ACSM4: variants seen among roughly 807,000 people sequenced by gnomAD.
ACSM4 encodes acyl-coenzyme A synthetase ACSM4, mitochondrial.
A neutral mutation model predicts 73.0 loss-of-function variants in ACSM4; 66 were observed. The observed-to-expected ratio is 0.90, with a 90% CI of 0.74 to 1.11. The LOEUF is 1.11. ACSM4 is among the 50% of genes least tolerant of loss of function. The pLI is 0.00. For synonymous variants in ACSM4, 222 were observed against 254.0 expected (o/e 0.87, Z 1.20); for missense variants, 645 against 714.4 (o/e 0.90, Z 1.11).
chr12:7,310,666 G>A lies in ACSM4; in HGVS notation c.540G>A (p.Leu180=). Residue 180 remains leucine (L), a synonymous_variant, in exon 3 of 13, where the codon TTG becomes TTA. Coordinates refer to ENST00000399422, the MANE Select transcript of ACSM4 (RefSeq NM_001080454.2). ...EVAPAVESIV[L]ECPDLKTKLL... The stretch of plus-strand genomic sequence containing the variant: ...CCCCAGCGGTGGAGTCCATTGTATT[G>A]GAGTGTCCTGACCTTAAGACAAAAC... The A allele has an allele frequency of 6.2e-7, 1 of 1,613,444 alleles. No individual in the cohort carries two copies. Among genetic ancestry groups the A allele is most frequent in the Non-Finnish European group, 8.5e-7 (1 of 1,179,716 alleles).
Position 7,317,177 on chromosome 12 carries a change from C to T in ACSM4, c.661C>T (p.Gln221Ter). Residue 221 changes from glutamine (Q) to a stop codon, truncating the protein, a stop_gained, in exon 4 of 13, where the codon CAA becomes TAA. Transcript: ENST00000399422. LOFTEE classifies it high-confidence loss of function. The part of the protein sequence containing the change: ...EEHSCVETGS[Q>*]EPMTIYFTSG... ...GCACAGCTGTGTGGAAACAGGAAGT[C>T]AAGAACCAATGACCATTTATTTCAC... 1 of 1,613,026 alleles carries T rather than the reference C, an allele frequency of 6.2e-7. No individual in the cohort carries two copies. The highest frequency in any genetic ancestry group is 1.7e-4 in the Middle Eastern group (1 of 6,054).
chr12:7,310,855 G>A (rs890797922), intron 3 of ACSM4, 109 bp downstream of exon 3: 39 of 1,166,110 alleles, frequency 3.3e-5, no homozygotes, highest in Non-Finnish European at 4.6e-5. Flanking sequence ...AGTTGATCTG[G>A]GCTCTTACTC....
At chr12:7,311,056 C>T (rs1461014485) in intron 3 of ACSM4, among the ~76,000 whole-genome samples, 2 of 152,008 alleles carry the variant, frequency 1.3e-5, no homozygotes, top group East Asian at 1.9e-4. Flanking sequence ...ATCCTAATTA[C>T]TCAGGAGGCT....
chr12:7,308,866 G>C (rs969840973), intron 2 of ACSM4, among the ~76,000 whole-genome samples: 1 of 152,178 alleles, frequency 6.6e-6, no homozygotes, highest in Non-Finnish European at 1.5e-5. Flanking sequence ...GAAATGAGTA[G>C]TTTGGCTTAT....
intron 2 of ACSM4, 119 bp downstream of exon 2, chr12:7,306,862 A>G (rs921645886): frequency 2.3e-5 from 23 of 991,274 alleles, no homozygotes; most frequent in Admixed American, 1.2e-4. Context: ...AAAAAAAAAA[A>G]AAGAAGAGTT....
intron 5 of ACSM4, among the ~76,000 whole-genome samples, chr12:7,319,848 A>G (rs1399214097): frequency 6.6e-6 from 1 of 152,254 alleles, no homozygotes; most frequent in African/African-American, 2.4e-5. Flanking sequence ...CATTTGTAAA[A>G]TAAGAATACT....
chr12:7,326,774 A>G (rs1946509314), intron 11 of ACSM4, among the ~76,000 whole-genome samples: 1 of 152,214 alleles, frequency 6.6e-6, no homozygotes, highest in Admixed American at 6.5e-5. Flanking sequence ...CCTCACACTC[A>G]TAAACCACTT....
chr12:7,322,309 A>C, intron 6 of ACSM4, 109 bp from the exon 7 acceptor site: 1 of 1,487,210 alleles, frequency 6.7e-7, no homozygotes, highest in Non-Finnish European at 9.3e-7. Context: ...AACTTTGCTA[A>C]GACTTGCCTC....
At position 7,304,635 on chromosome 12, in the gene ACSM4, C is replaced by T; in HGVS notation, c.201+103C>T. Reference sequence around the variant, plus strand: ...ACCACTTAATTCCAATGCACTCTCTCACCCTCTTGGTTTCCTTTGTTTGTT... The same window carrying T: ...ACCACTTAATTCCAATGCACTCTCTTACCCTCTTGGTTTCCTTTGTTTGTT... On this transcript the variant is annotated intron_variant, in intron 1 of 12. Transcript: ENST00000399422. 10 of 1,209,628 alleles carry T rather than the reference C, an allele frequency of 8.3e-6. 1 individual carries two copies. The South Asian group carries it at 1.2e-4, about 15-fold the overall frequency. 74.9% of individuals were successfully genotyped at this position (1,209,628 alleles called of 1,614,324 possible).
chr12:7,306,648 C>A lies in ACSM4; in HGVS notation c.317C>A (p.Thr106Asn). 1 of 1,609,736 alleles carries A rather than the reference C, an allele frequency of 6.2e-7. No homozygotes were observed. Among genetic ancestry groups the A allele is most frequent in the Non-Finnish European group, 8.5e-7 (1 of 1,178,128 alleles). ...TCCCGAAAAGCTGCCAACGTGCTCACCAAGCCCTGTGGCCTGCAGAGAGGA... is the reference window on the plus strand; with the variant it reads ...TCCCGAAAAGCTGCCAACGTGCTCAACAAGCCCTGTGGCCTGCAGAGAGGA... ...SLSRKAANVL[T>N]KPCGLQRGDR... The change falls in exon 2 of 13, where the codon ACC becomes AAC. Residue 106 changes from threonine (T) to asparagine (N), a missense_variant. Transcript: ENST00000399422.
intron 1 of ACSM4, 96 bp downstream of exon 1, chr12:7,304,628 A>G: frequency 8.0e-7 from 1 of 1,247,786 alleles, no homozygotes; most frequent in East Asian, 2.4e-5. Context: ...ATTCCAATGC[A>G]CTCTCTCACC....
Position 7,304,315 on chromosome 12 carries a change from A to C in ACSM4, c.-17A>C. The C allele has an allele frequency of 6.2e-7, 1 of 1,613,246 alleles. No homozygotes were observed. Among genetic ancestry groups the C allele is most frequent in the Admixed American group, 1.7e-5 (1 of 60,012 alleles). ...TACTTCTGTGTCCATAGCAGTAGAC[A>C]AAGTCCTTTGGGAACCATGAAGATT... On this transcript the variant is annotated 5_prime_UTR_variant, in exon 1 of 13. Coordinates refer to ENST00000399422, the MANE Select transcript of ACSM4 (RefSeq NM_001080454.2).
rs1394924127 is a variant in ACSM4 at position 7,328,280 on chromosome 12, C to G, written c.1657-7C>G. ...AGTGTCTCATCACGTTTTTTTCTGTCAATTAGGTGGAATTTGTTCAAGAAC... is the reference window on the plus strand; with the variant it reads ...AGTGTCTCATCACGTTTTTTTCTGTGAATTAGGTGGAATTTGTTCAAGAAC... On this transcript the variant is annotated splice_region_variant and splice_polypyrimidine_tract_variant and intron_variant, in intron 12 of 12. Coordinates refer to ENST00000399422, the MANE Select transcript of ACSM4 (RefSeq NM_001080454.2). The G allele has an allele frequency of 6.4e-7, 1 of 1,571,706 alleles. No homozygotes were observed. Among genetic ancestry groups the G allele is most frequent in the Admixed American group, 1.8e-5 (1 of 54,432 alleles).
Position 7,304,258 on chromosome 12 carries a change from A to G in ACSM4, c.-74A>G. On this transcript the variant is annotated 5_prime_UTR_variant, in exon 1 of 13. The change creates a new upstream start codon in the 5' untranslated region. Coordinates refer to ENST00000399422, the MANE Select transcript of ACSM4 (RefSeq NM_001080454.2). ...CACCACAGAGCATCAAGAAACTGAT[A>G]CTCTCTATCCATCTCTCCCTACAGG... 3 of 1,444,534 alleles carry G rather than the reference A, an allele frequency of 2.1e-6. No individual in the cohort carries two copies. The East Asian group carries it at 6.8e-5, about 33-fold the overall frequency. The allele number at this position is 1,444,534 out of a possible 1,614,324, so 89.5% of individuals were successfully genotyped here.
At chr12:7,322,601 CA>C in intron 7 of ACSM4, 60 bp downstream of exon 7, 1 of 1,540,350 alleles carries the variant, frequency 6.5e-7, no homozygotes, top group Non-Finnish European at 8.7e-7. Flanking sequence ...CCAGGTTTTT[CA>C]ACTGAGCCCC....
At chr12:7,323,928 G>C (rs1946483874) in intron 9 of ACSM4, among the ~76,000 whole-genome samples, 1 of 152,048 alleles carries the variant, frequency 6.6e-6, no homozygotes, top group Admixed American at 6.6e-5. Flanking sequence ...TATAATTTCA[G>C]CACTTTAGGA....
At position 7,312,287 on chromosome 12, in the gene ACSM4, C is replaced by T. The variant is rs144099301; in HGVS notation, c.620+1541C>T. Among the ~76,000 whole-genome samples, 438 of 152,284 alleles carry T rather than the reference C, an allele frequency of 2.9e-3. 5 individuals are homozygous for T. The highest frequency in any genetic ancestry group is 9.2e-3 in the African/African-American group (384 of 41,546). ...AAGAGATCACAACTGCAGTTTTCCT[C>T]ATAAGTAAAATGGGAATAATTATAC... On this transcript the variant is annotated intron_variant, in intron 3 of 12. Transcript: ENST00000399422.
Position 7,304,462 on chromosome 12 carries a change from G to A in ACSM4, c.131G>A (p.Cys44Tyr). ...TLADFEAINR[C>Y]NRPLPKNFNF... is the part of the protein sequence containing the mutation. The stretch of plus-strand genomic sequence containing the variant: ...GCTGACTTTGAAGCCATAAATCGCT[G>A]TAACAGGCCATTGCCTAAAAACTTT... The change falls in exon 1 of 13, where the codon TGT (cysteine) becomes TAT (tyrosine). Residue 44 changes from cysteine (C) to tyrosine (Y), a missense_variant. Transcript: ENST00000399422. The A allele has an allele frequency of 6.2e-7, 1 of 1,613,996 alleles. No homozygotes were observed. The highest frequency in any genetic ancestry group is 8.5e-7 in the Non-Finnish European group (1 of 1,179,874).
At chr12:7,326,004 A>G (rs910508307) in intron 11 of ACSM4, among the ~76,000 whole-genome samples, 5 of 152,170 alleles carry the variant, frequency 3.3e-5, no homozygotes, top group African/African-American at 4.8e-5. Flanking sequence ...TATTCTCTCA[A>G]TATAAATGAT....
Sources: allele counts gnomAD v4.1 joint callset (sites outside exome capture counted in the v4.1 genomes callset), GRCh38; gene constraint gnomAD v4.1.1; transcripts MANE v1.5; gene names NCBI Gene and HGNC (gene_info 2026-07-23, HGNC 2026-07-21).